Variants in EVC observed in about 807,000 individuals in gnomAD.
The protein encoded by EVC is evC complex member EVC.
EVC carries 116 observed loss-of-function variants against 118.9 expected under a neutral mutation model. That is an observed-to-expected ratio of 0.98 (90% CI 0.84 to 1.14). The LOEUF is 1.14. Ranked by LOEUF, EVC falls within the 50% of genes most tolerant of loss-of-function variation. EVC has a pLI of 0.00. For synonymous variants in EVC, 619 were observed against 534.7 expected, an observed-to-expected ratio of 1.16 and a Z score of -2.18; for missense variants, 1,401 against 1,246.4, an observed-to-expected ratio of 1.12 and a Z score of -1.87.
rs977227167 is a variant in EVC, at chr4:5,809,377, G to A, written c.2689-141G>A. 14 of 733,888 alleles carry A rather than the reference G, an allele frequency of 1.9e-5. No homozygotes were observed. In the African/African-American group the frequency reaches 2.4e-4, roughly 13 times the overall value. 45.5% of individuals were successfully genotyped at this position (733,888 alleles called of 1,614,324 possible). Reference sequence around the variant, plus strand: ...CTCCTGCTCCTCTCCTCTCTGGGATGTATGTTGGAAAATTCTCCTCCACAC... The same window carrying A: ...CTCCTGCTCCTCTCCTCTCTGGGATATATGTTGGAAAATTCTCCTCCACAC... On this transcript the variant is annotated intron_variant, in intron 18 of 20. Coordinates refer to ENST00000264956, the MANE Select transcript of EVC (RefSeq NM_153717.3).
At chr4:5,825,584 C>G in the EVC span, 1 of 1,602,106 alleles carries the variant, frequency 6.2e-7, no homozygotes, top group African/African-American at 1.3e-5. The surrounding 1 kb of genome is among the most constrained non-coding windows in gnomAD (Gnocchi z 4.4). Context: ...GCGGGAGTTG[C>G]ATATTTGGGT....
intron 7 of EVC, among the ~76,000 whole-genome samples, chr4:5,747,694 T>C (rs1375352664): frequency 6.6e-6 from 1 of 152,250 alleles, no homozygotes; most frequent in East Asian, 1.9e-4. Flanking sequence ...GTCAGCATCC[T>C]CTCTGCCATA....
intron 12 of EVC, among the ~76,000 whole-genome samples, chr4:5,788,254 T>G (rs1162946184): frequency 6.6e-6 from 1 of 152,200 alleles, no homozygotes; most frequent in East Asian, 1.9e-4. Context: ...ACAGTTTAAC[T>G]GGGCCCTTTG....
chr4:5,825,918 A>G, the EVC span: 2 of 511,716 alleles, frequency 3.9e-6, no homozygotes, highest in Non-Finnish European at 6.8e-6. This position sits in a 1 kb window ranked among gnomAD's most constrained non-coding sequence, Gnocchi z 4.4. Context: ...CACCACGCAC[A>G]CGCACTCACA....
At chr4:5,828,004 G>A in the EVC span, 1 of 978,810 alleles carries the variant, frequency 1.0e-6, no homozygotes, top group Non-Finnish European at 1.2e-6. Flanking sequence ...GTCAAGGGAG[G>A]AAGGAAAGGA....
At position 5,719,134 on chromosome 4, in the gene EVC, G is replaced by T. The variant is rs577822070; in HGVS notation, c.175-114G>T. The T allele has an allele frequency of 1.7e-5, 23 of 1,382,182 alleles. No individual in the cohort carries two copies. In the South Asian group the frequency reaches 2.2e-4, roughly 13 times the overall value. The allele number at this position is 1,382,182 out of a possible 1,614,324, so 85.6% of individuals were successfully genotyped here. ...AGCTTGAGAAGCACAGAGGCGAGCA[G>T]AAGTGGCTGCTGGACTGGGGGAGTT... is the stretch of plus-strand genomic sequence containing the variant. On this transcript the variant is annotated intron_variant, in intron 1 of 20. Coordinates refer to ENST00000264956, the MANE Select transcript of EVC (RefSeq NM_153717.3). This position sits in a 1 kb window ranked among gnomAD's most constrained non-coding sequence, Gnocchi z 4.7.
At chr4:5,735,148 T>A (rs1727464346) in intron 5 of EVC, among the ~76,000 whole-genome samples, 1 of 152,178 alleles carries the variant, frequency 6.6e-6, no homozygotes, top group Admixed American at 6.5e-5. Context: ...TGGAGCCCAC[T>A]CTCTGGGGCA....
chr4:5,727,410 G>C (rs999980790), intron 2 of EVC, among the ~76,000 whole-genome samples: 1 of 151,978 alleles, frequency 6.6e-6, no homozygotes, highest in Non-Finnish European at 1.5e-5. Context: ...CCCACTTTTT[G>C]ATGGGGTTGT....
downstream of EVC, among the ~76,000 whole-genome samples, chr4:5,818,375 G>A (rs1373829574): frequency 2.6e-5 from 4 of 152,136 alleles, no homozygotes; most frequent in African/African-American, 7.2e-5. Flanking sequence ...ACCCCTTCCT[G>A]GGACATCAGA....
chr4:5,721,237 C>T (rs1422903585), intron 2 of EVC, among the ~76,000 whole-genome samples: 1 of 152,166 alleles, frequency 6.6e-6, no homozygotes, highest in Non-Finnish European at 1.5e-5. Context: ...CAACACTATT[C>T]ACAATAGCCA....
chr4:5,767,929 C>G (rs534370640), intron 11 of EVC, among the ~76,000 whole-genome samples: 2 of 152,310 alleles, frequency 1.3e-5, no homozygotes, highest in South Asian at 2.1e-4. Context: ...CCCCTCCCCC[C>G]ACCGGCAGCT....
chr4:5,734,091 G>GA (rs1727290037), intron 5 of EVC, among the ~76,000 whole-genome samples: 1 of 152,292 alleles, frequency 6.6e-6, no homozygotes, highest in Middle Eastern at 3.4e-3. Flanking sequence ...AATCAGCCAC[G>GA]GACCTGAGCT....
chr4:5,775,109 G>A (rs1032450320), intron 11 of EVC, among the ~76,000 whole-genome samples: 4 of 152,108 alleles, frequency 2.6e-5, no homozygotes, highest in Non-Finnish European at 4.4e-5. Flanking sequence ...AAAAAGGTTT[G>A]TCCCAACCAC....
chr4:5,791,272 A>T (rs1712735305), intron 12 of EVC, among the ~76,000 whole-genome samples: 1 of 152,194 alleles, frequency 6.6e-6, no homozygotes, highest in African/African-American at 2.4e-5. Flanking sequence ...AGAAGAAGAG[A>T]CATGGAGAAT....
At position 5,754,354 on chromosome 4, in the gene EVC, G is replaced by A. The variant is rs1192061505; in HGVS notation, c.1464+421G>A. ...CGGCTGCAAGTCCAGGAGAAGGAAG[G>A]GAGTTCCCAGCCTTGCATGTGGGGT... is the stretch of plus-strand genomic sequence containing the variant. On this transcript the variant is annotated intron_variant, in intron 10 of 20. Transcript: ENST00000264956. This position sits in a 1 kb window ranked among gnomAD's most constrained non-coding sequence, Gnocchi z 5.8. Among the ~76,000 whole-genome samples, 1 of 152,176 alleles carries A rather than the reference G, an allele frequency of 6.6e-6. No homozygotes were observed. Among genetic ancestry groups the A allele is most frequent in the Non-Finnish European group, 1.5e-5 (1 of 68,032 alleles).
At position 5,765,673 on chromosome 4, in the gene EVC, CT is replaced by C. The variant is rs1017466485; in HGVS notation, c.1563+9315del. 3.1e-4 allele frequency among the ~76,000 whole-genome samples: 39 copies of C among 125,218 alleles called. 1 individual carries two copies. The highest frequency in any genetic ancestry group is 5.8e-4 in the Non-Finnish European group (34 of 59,118). 82.1% of individuals were successfully genotyped at this position (125,218 alleles called of 152,430 possible). A position where few individuals can be genotyped will look rare whatever the true frequency, so the allele number is the denominator to read the frequency against. ...CATTATGTAATGGCCTTCTTTGTCTCTTTTGATCTTTGTTGGTTTAAAGTCT... is the reference window on the plus strand; with the variant it reads ...CATTATGTAATGGCCTTCTTTGTCTCTTTGATCTTTGTTGGTTTAAAGTCT... On this transcript the variant is annotated intron_variant, in intron 11 of 20. Coordinates refer to ENST00000264956, the MANE Select transcript of EVC (RefSeq NM_153717.3).
rs914825620 is a variant in EVC, at chr4:5,756,791, G to A, written c.1563+429G>A. 2.0e-5 allele frequency among the ~76,000 whole-genome samples: 3 copies of A among 152,158 alleles called. No individual in the cohort carries two copies. The highest frequency in any genetic ancestry group is 2.9e-5 in the Non-Finnish European group (2 of 68,036). On this transcript the variant is annotated intron_variant, in intron 11 of 20. Transcript: ENST00000264956. This position sits in a 1 kb window ranked among gnomAD's most constrained non-coding sequence, Gnocchi z 4.2. Reference sequence around the variant, plus strand: ...CCTGTGCAACCGTGTGCAGGTCTGGGGTGGGGAGGTGAAGCTGGCCATGCT... The same window carrying A: ...CCTGTGCAACCGTGTGCAGGTCTGGAGTGGGGAGGTGAAGCTGGCCATGCT...
chr4:5,719,374 G>T lies in EVC; in HGVS notation c.300+1G>T. The T allele has an allele frequency of 5.0e-6, 8 of 1,614,178 alleles. No individual in the cohort carries two copies. The highest frequency in any genetic ancestry group is 6.8e-6 in the Non-Finnish European group (8 of 1,180,008). On this transcript the variant is annotated splice_donor_variant, in intron 2 of 20. Coordinates refer to ENST00000264956, the MANE Select transcript of EVC (RefSeq NM_153717.3). LOFTEE classifies it high-confidence loss of function. The surrounding 1 kb of genome is among the most constrained non-coding windows in gnomAD (Gnocchi z 4.7). ...GTCGAAGGACAAGGAAGCTGTTGATGTAAGCTTGGTGTTGATGTTTGTTTG... is the reference window on the plus strand; with the variant it reads ...GTCGAAGGACAAGGAAGCTGTTGATTTAAGCTTGGTGTTGATGTTTGTTTG...
chr4:5,813,268 C>G lies in EVC; in HGVS notation c.*2231C>G, dbSNP rs1311794907. ...CCAGGCTGGAGTGCAGTGGCGTGAT[C>G]TCGGCTCATGGCAATCTCCATCTCC... On this transcript the variant is annotated 3_prime_UTR_variant, in exon 21 of 21. Transcript: ENST00000264956. 6.6e-6 allele frequency: 1 copy of G among 152,246 alleles called. No individual in the cohort carries two copies. Among genetic ancestry groups the G allele is most frequent in the Non-Finnish European group, 1.5e-5 (1 of 68,064 alleles). The allele number at this position is 152,246 out of a possible 1,614,324, so 9.4% of individuals were successfully genotyped here.
Sources: gnomAD v4.1 joint callset for allele counts (sites outside exome capture counted in the v4.1 genomes callset) on GRCh38, gnomAD v4.1.1 for gene constraint, Gnocchi (gnomAD v3.1) non-coding constraint, MANE v1.5 for transcripts, NCBI Gene and HGNC (gene_info 2026-07-23, HGNC 2026-07-21) for gene names.